Variants in NXPE3 observed in about 807,000 individuals in gnomAD.
The protein encoded by NXPE3 is NXPE family member 3.
A neutral mutation model predicts 46.1 loss-of-function variants in NXPE3; 26 were observed. The observed-to-expected ratio is 0.56, with a 90% confidence interval of 0.41 to 0.78. The LOEUF is 0.78. Among genes scored for constraint, NXPE3 ranks in the 30% least tolerant of loss-of-function variants. The pLI is 0.00. For synonymous variants in NXPE3, 272 were observed against 257.9 expected (o/e 1.05, Z -0.52); for missense variants, 620 against 686.0 (o/e 0.90, Z 1.07).
At chr3:101,791,586 A>C (rs963399456) in intron 4 of NXPE3, among the ~76,000 whole-genome samples, 2 of 152,082 alleles carry the variant, frequency 1.3e-5, no homozygotes, top group South Asian at 2.1e-4. Context: ...TGGTTTCACT[A>C]TATTGGCCGG....
chr3:101,805,450 A>G (rs1266362664), intron 5 of NXPE3, among the ~76,000 whole-genome samples: 1 of 143,746 alleles, frequency 7.0e-6, no homozygotes, highest in African/African-American at 2.6e-5. Flanking sequence ...TTTTTTTGAG[A>G]TAGGGTGTCG....
chr3:101,806,563 A>T (rs1941427960), intron 5 of NXPE3, among the ~76,000 whole-genome samples: 1 of 152,190 alleles, frequency 6.6e-6, no homozygotes, highest in Admixed American at 6.5e-5. Flanking sequence ...CAGACACTAA[A>T]GAGTCCTGGT....
chr3:101,802,983 A>C (rs1396660010), intron 5 of NXPE3, among the ~76,000 whole-genome samples: 2 of 152,220 alleles, frequency 1.3e-5, no homozygotes, highest in African/African-American at 2.4e-5. Flanking sequence ...TTGAGGTTGC[A>C]GTGAGCTGTG....
chr3:101,801,117 A>G, intron 4 of NXPE3, 118 bp from the exon 5 acceptor site: 1 of 1,104,056 alleles, frequency 9.1e-7, no homozygotes, highest in Non-Finnish European at 1.3e-6. Context: ...CACTGTGAGA[A>G]TCTGATTGAG....
At chr3:101,795,292 C>T (rs545082158) in intron 4 of NXPE3, among the ~76,000 whole-genome samples, 89 of 152,204 alleles carry the variant, frequency 5.8e-4, no homozygotes, top group South Asian at 1.0e-3. Flanking sequence ...CCCAGGTGGG[C>T]GGATCATCTG....
intron 4 of NXPE3, among the ~76,000 whole-genome samples, chr3:101,788,758 G>T (rs62280781): frequency 0.018 from 2,789 of 152,204 alleles, 43 homozygotes; most frequent in Non-Finnish European, 0.028. Flanking sequence ...TGGGATTACA[G>T]GCGTCTGCCA....
chr3:101,801,816 C>T lies in NXPE3; in HGVS notation c.675C>T (p.Cys225=). The change falls in exon 5 of 8, where the codon TGC becomes TGT. Residue 225 remains cysteine (C), a synonymous_variant. Coordinates refer to ENST00000273347, the MANE Select transcript of NXPE3 (RefSeq NM_145037.4). ...GAAGAATTTCTGAAACTACTGAGTG[C>T]AACGTGTGTCTTCCTGGGAATCTGC... is the stretch of plus-strand genomic sequence containing the variant. ...RSGRISETTE[C]NVCLPGNLPL... 6.2e-7 allele frequency: 1 copy of T among 1,614,160 alleles called. No individual in the cohort carries two copies. Among genetic ancestry groups the T allele is most frequent in the Non-Finnish European group, 8.5e-7 (1 of 1,180,028 alleles).
Position 101,806,432 on chromosome 3 carries a change from T to C in NXPE3, c.849-621T>C, listed in dbSNP as rs376568232. Among the ~76,000 whole-genome samples, 3 of 152,310 alleles carry C rather than the reference T, an allele frequency of 2.0e-5. No homozygotes were observed. In the South Asian group the frequency reaches 6.2e-4, roughly 32 times the overall value. On this transcript the variant is annotated intron_variant, in intron 5 of 7. Coordinates refer to ENST00000273347, the MANE Select transcript of NXPE3 (RefSeq NM_145037.4). ...TGAGTGTGGACTCTAGACCAGGGCC[T>C]GTGCTAGGATACAAAGATGAATGAG...
In NXPE3 at chr3:101,785,679, C is replaced by T; in HGVS notation, c.83C>T (p.Thr28Ile). ...LMVVVLVINV[T>I]QVEYLDHETV... ...GTGGTGGTGCTGGTCATCAATGTTA[C>T]TCAGGTAGAGGTGAGTACCCAGTAT... The change falls in exon 4 of 8, where the codon ACT becomes ATT. Residue 28 changes from threonine to isoleucine, a missense_variant. Coordinates refer to ENST00000273347, the MANE Select transcript of NXPE3 (RefSeq NM_145037.4). 6.2e-7 allele frequency: 1 copy of T among 1,613,232 alleles called. No individual in the cohort carries two copies. The highest frequency in any genetic ancestry group is 8.5e-7 in the Non-Finnish European group (1 of 1,179,566).
At position 101,807,464 on chromosome 3, in the gene NXPE3, C is replaced by A. The variant is rs112646180; in HGVS notation, c.922+338C>A. 4.5e-4 allele frequency among the ~76,000 whole-genome samples: 69 copies of A among 152,096 alleles called. 1 individual carries two copies. Among genetic ancestry groups the A allele is most frequent in the African/African-American group, 1.6e-3 (66 of 41,502 alleles). The stretch of plus-strand genomic sequence containing the variant: ...CCTCCCGAGTAGCTGGGACTACAGG[C>A]ACACACCACCACACCTGGCTGATTT... On this transcript the variant is annotated intron_variant, in intron 6 of 7. Coordinates refer to ENST00000273347, the MANE Select transcript of NXPE3 (RefSeq NM_145037.4).
chr3:101,790,514 G>T (rs933322027), intron 4 of NXPE3, among the ~76,000 whole-genome samples: 1 of 152,140 alleles, frequency 6.6e-6, no homozygotes, highest in African/African-American at 2.4e-5. Flanking sequence ...GCTCCGAAAT[G>T]TACTCTGTAT....
Position 101,821,895 on chromosome 3 carries a change from G to T in NXPE3, c.1621G>T (p.Val541Phe). The change falls in exon 8 of 8, where the codon GTT becomes TTT. Residue 541 changes from valine (V) to phenylalanine (F), a missense_variant. Val to Phe is a conservative substitution (Grantham distance 50, BLOSUM62 -1). This residue lies in a region of NXPE3 where 34 missense variants were observed against 36.2 expected (regional missense o/e 0.94). Coordinates refer to ENST00000273347, the MANE Select transcript of NXPE3 (RefSeq NM_145037.4). ...ACCGCACAAGCTGCATCCAGATGAAGTTATTGTGAAGAACCAGCTGGACAT... is the reference window on the plus strand; with the variant it reads ...ACCGCACAAGCTGCATCCAGATGAATTTATTGTGAAGAACCAGCTGGACAT... ...YLPHKLHPDE[V>F]IVKNQLDMFL... 2 of 1,614,210 alleles carry T rather than the reference G, an allele frequency of 1.2e-6. No homozygotes were observed. Among genetic ancestry groups the T allele is most frequent in the Non-Finnish European group, 1.7e-6 (2 of 1,180,028 alleles).
At chr3:101,784,321 G>T (rs1940018979) in intron 3 of NXPE3, among the ~76,000 whole-genome samples, 1 of 152,190 alleles carries the variant, frequency 6.6e-6, no homozygotes, top group African/African-American at 2.4e-5. Flanking sequence ...GAGATCAGCA[G>T]AGAAGTGAAA....
At chr3:101,785,375 A>G (rs781041310) in intron 3 of NXPE3, 27 bp from the exon 4 acceptor site, 38 of 507,370 alleles carry the variant, frequency 7.5e-5, no homozygotes, top group Admixed American at 3.8e-4. Context: ...GCAATTGGTG[A>G]TGTTCTCTCA....
In NXPE3 at chr3:101,821,505, C is replaced by T. The variant is rs1560069879; in HGVS notation, c.1231C>T (p.Pro411Ser). Reference protein sequence around the residue: ...ILLKYRCHGPPIRFTTVFSNE... With the variant: ...ILLKYRCHGPSIRFTTVFSNE... ...GCTCAAATACCGCTGCCATGGTCCA[C>T]CCATCCGCTTCACGACTGTCTTTAG... Residue 411 changes from proline to serine, a missense_variant, in exon 8 of 8, where the codon CCC (proline) becomes TCC (serine). This residue lies in a region of NXPE3 where 511 missense variants were observed against 528.6 expected (regional missense o/e 0.97). Transcript: ENST00000273347. 6.2e-7 allele frequency: 1 copy of T among 1,614,190 alleles called. No homozygotes were observed.
intron 6 of NXPE3, among the ~76,000 whole-genome samples, chr3:101,809,555 T>A (rs1941614957): frequency 6.6e-6 from 1 of 152,272 alleles, no homozygotes; most frequent in Non-Finnish European, 1.5e-5. Flanking sequence ...TAATTGTGAC[T>A]TTTAATGTCT....
chr3:101,795,654 T>C (rs1322887144), intron 4 of NXPE3, among the ~76,000 whole-genome samples: 3 of 152,242 alleles, frequency 2.0e-5, no homozygotes, highest in Non-Finnish European at 2.9e-5. Context: ...TTTTTTCTTT[T>C]GCCTTATTCA....
Position 101,821,925 on chromosome 3 carries a change from T to A in NXPE3, c.1651T>A (p.Leu551Met), listed in dbSNP as rs1440116928. The part of the protein sequence containing the change: ...VIVKNQLDMF[L>M]SFVCPLET ...TGTGAAGAACCAGCTGGACATGTTCTTGTCCTTTGTGTGCCCCTTGGAAAC... is the reference window on the plus strand; with the variant it reads ...TGTGAAGAACCAGCTGGACATGTTCATGTCCTTTGTGTGCCCCTTGGAAAC... Residue 551 changes from leucine to methionine, a missense_variant, in exon 8 of 8, where the codon TTG becomes ATG. By Grantham distance (15) the Leu-to-Met change is conservative (BLOSUM62 2). Transcript: ENST00000273347. 2 of 1,613,902 alleles carry A rather than the reference T, an allele frequency of 1.2e-6. No individual in the cohort carries two copies. Among genetic ancestry groups the A allele is most frequent in the South Asian group, 2.2e-5 (2 of 91,080 alleles).
chr3:101,818,742 TA>T (rs1560067333), intron 7 of NXPE3, among the ~76,000 whole-genome samples: 84 of 32,628 alleles, frequency 2.6e-3, no homozygotes, highest in African/African-American at 4.1e-3. Flanking sequence ...TATATATATA[TA>T]TATATATATA....
Sources: gnomAD v4.1 joint callset for allele counts (sites outside exome capture counted in the v4.1 genomes callset) on GRCh38, gnomAD v4.1.1 for gene constraint, gnomAD v4.1.1 regional missense constraint, MANE v1.5 for transcripts, NCBI Gene and HGNC (gene_info 2026-07-23, HGNC 2026-07-21) for gene names.